DPP10: variants seen among roughly 807,000 people sequenced by gnomAD.
The protein encoded by DPP10 is dipeptidyl peptidase like 10.
DPP10 carries 33 observed loss-of-function variants against 120.9 expected under a neutral mutation model. That is an observed-to-expected ratio of 0.27 (90% CI 0.21 to 0.37). The LOEUF is 0.37. Among genes scored for constraint, DPP10 ranks in the 10% least tolerant of loss-of-function variants. The pLI is 1.00. For synonymous variants in DPP10, 337 were observed against 326.1 expected, an observed-to-expected ratio of 1.03 and a Z score of -0.36; for missense variants, 816 against 942.8, an observed-to-expected ratio of 0.87 and a Z score of 1.76.
intron 5 of DPP10, among the ~76,000 whole-genome samples, chr2:115,658,653 T>C (rs2088621887): frequency 6.6e-6 from 1 of 152,272 alleles, no homozygotes; most frequent in East Asian, 1.9e-4. Context: ...ATTAGATCTA[T>C]GAGAACTGAA....
In DPP10 at chr2:114,985,697, G is replaced by T. The variant is rs75589340; in HGVS notation, c.61-323542G>T. On this transcript the variant is annotated intron_variant, in intron 1 of 25. Transcript: ENST00000410059. ...AGAAAGGCTGGACGCAGTCACATTG[G>T]GGTTGAGTCCTCAAACTGTAATAAG... Among the ~76,000 whole-genome samples the T allele has an allele frequency of 3.1e-3, 477 of 152,236 alleles. 1 individual carries two copies. The highest frequency in any genetic ancestry group is 0.011 in the African/African-American group (466 of 41,526).
At chr2:114,580,125 T>C (rs1035517122) in intron 1 of DPP10, among the ~76,000 whole-genome samples, 6 of 152,174 alleles carry the variant, frequency 3.9e-5, no homozygotes, top group Admixed American at 2.0e-4. Context: ...TGTGATGACA[T>C]AAAGCAGTGC....
chr2:115,595,059 CA>C (rs2082905381), intron 5 of DPP10, among the ~76,000 whole-genome samples: 2 of 151,792 alleles, frequency 1.3e-5, no homozygotes, highest in Admixed American at 1.3e-4. Flanking sequence ...CTAATGAGGT[CA>C]AAAAGACAGA....
At chr2:114,845,109 T>C (rs1006526562) in intron 1 of DPP10, among the ~76,000 whole-genome samples, 108 of 152,268 alleles carry the variant, frequency 7.1e-4, no homozygotes, top group Middle Eastern at 3.4e-3. Context: ...GGCTGCGTCA[T>C]GTGATAGGCA....
At chr2:114,819,026 GT>G (rs1378999531) in intron 1 of DPP10, among the ~76,000 whole-genome samples, 1 of 151,920 alleles carries the variant, frequency 6.6e-6, no homozygotes, top group African/African-American at 2.4e-5. Context: ...CTGTTGCATA[GT>G]TTTGGTCCAC....
intron 3 of DPP10, among the ~76,000 whole-genome samples, chr2:115,376,058 A>G (rs1400661): frequency 6.6e-6 from 1 of 152,130 alleles, no homozygotes; most frequent in Admixed American, 6.5e-5. Context: ...TGAAAGCGGG[A>G]GCTGATGCAG....
intron 2 of DPP10, among the ~76,000 whole-genome samples, chr2:115,333,311 G>A (rs1433638490): frequency 6.6e-6 from 1 of 152,080 alleles, no homozygotes; most frequent in Non-Finnish European, 1.5e-5. Context: ...TTGAGCCTAT[G>A]TGTGTCTCTG....
intron 3 of DPP10, among the ~76,000 whole-genome samples, chr2:115,406,238 C>T (rs2068500132): frequency 6.6e-6 from 1 of 152,200 alleles, no homozygotes; most frequent in Non-Finnish European, 1.5e-5. Context: ...ATGGCCTTTA[C>T]ACCAGTTCCC....
intron 1 of DPP10, among the ~76,000 whole-genome samples, chr2:114,581,476 C>T (rs909152004): frequency 6.6e-6 from 1 of 152,122 alleles, no homozygotes; most frequent in East Asian, 1.9e-4. Context: ...AGCCACCACG[C>T]CCAGCCAAAA....
chr2:114,885,638 G>A (rs556551680), intron 1 of DPP10, among the ~76,000 whole-genome samples: 14 of 151,902 alleles, frequency 9.2e-5, no homozygotes, highest in Middle Eastern at 6.8e-3. Flanking sequence ...TTCTTTTTTC[G>A]TTGTTCATAA....
intron 1 of DPP10, chr2:115,144,236 C>T (rs1021949731): frequency 2.6e-5 from 4 of 152,112 alleles, no homozygotes; most frequent in Admixed American, 6.6e-5. Flanking sequence ...AACAGAAATA[C>T]ATGCTATTAC....
intron 1 of DPP10, among the ~76,000 whole-genome samples, chr2:114,820,901 C>T (rs186370898): frequency 2.8e-4 from 43 of 152,256 alleles, no homozygotes; most frequent in African/African-American, 7.9e-4. Flanking sequence ...GATATGTCTC[C>T]GATGAGTGGA....
intron 1 of DPP10, among the ~76,000 whole-genome samples, chr2:114,722,611 C>A (rs1049369165): frequency 6.6e-6 from 1 of 151,630 alleles, no homozygotes; most frequent in Non-Finnish European, 1.5e-5. Flanking sequence ...CCCGTCTCTA[C>A]TAAAAATACA....
chr2:114,467,042 A>AAG (rs1015173268), intron 1 of DPP10, among the ~76,000 whole-genome samples: 1 of 151,748 alleles, frequency 6.6e-6, no homozygotes, highest in African/African-American at 2.4e-5. Flanking sequence ...ATATCCAAAA[A>AAG]AAAAAAAAAA....
chr2:114,937,765 C>T (rs1478137307), intron 1 of DPP10, among the ~76,000 whole-genome samples: 1 of 152,134 alleles, frequency 6.6e-6, no homozygotes. Context: ...ATCTCGGAAG[C>T]TAAGCAAGGT....
At chr2:115,028,932 T>C (rs2105227521) in intron 1 of DPP10, among the ~76,000 whole-genome samples, 1 of 152,250 alleles carries the variant, frequency 6.6e-6, no homozygotes, top group Non-Finnish European at 1.5e-5. Context: ...CTCTTCACTT[T>C]CAGTCTGTGT....
At chr2:115,632,839 A>G (rs1473336766) in intron 5 of DPP10, among the ~76,000 whole-genome samples, 4 of 152,212 alleles carry the variant, frequency 2.6e-5, no homozygotes, top group Non-Finnish European at 4.4e-5. Flanking sequence ...AATGCTCATC[A>G]TCACTGGCCA....
intron 19 of DPP10, among the ~76,000 whole-genome samples, chr2:115,814,259 GAAAC>G (rs920305551): frequency 1.4e-4 from 21 of 151,722 alleles, no homozygotes; most frequent in African/African-American, 2.7e-4. Context: ...TTCCACCACA[GAAAC>G]AAACAAACAA....
chr2:115,670,727 A>T (rs535091517), intron 5 of DPP10, among the ~76,000 whole-genome samples: 1 of 152,262 alleles, frequency 6.6e-6, no homozygotes, highest in African/African-American at 2.4e-5. Flanking sequence ...CATTTAAAAT[A>T]TATTCTATCA....
Sources: gnomAD v4.1 joint callset for allele counts (sites outside exome capture counted in the v4.1 genomes callset) on GRCh38, gnomAD v4.1.1 for gene constraint, MANE v1.5 for transcripts, NCBI Gene and HGNC (gene_info 2026-07-23, HGNC 2026-07-21) for gene names.